The following MTREX variants were observed in gnomAD, a reference collection of about 807,000 sequenced individuals.
The protein encoded by MTREX is Mtr4 exosome RNA helicase.
A neutral mutation model predicts 135.4 loss-of-function variants in MTREX; 76 were observed. The observed-to-expected ratio is 0.56, with a 90% CI of 0.47 to 0.68. The LOEUF is 0.68. Ranked by LOEUF, MTREX falls within the 30% of genes least tolerant of loss-of-function variation. MTREX has a pLI of 0.00. For missense variants in MTREX, 920 were observed against 1,262.1 expected (o/e 0.73, Z 4.11); for synonymous variants, 404 against 401.6 (o/e 1.01, Z -0.07).
chr5:55,415,830 C>CA, intron 24 of MTREX, 140 bp from the exon 25 acceptor site: 1 of 549,418 alleles, frequency 1.8e-6, no homozygotes, highest in Non-Finnish European at 3.1e-6. Context: ...ACTGTGCCTA[C>CA]TTAGGAGCAG....
intron 1 of MTREX, among the ~76,000 whole-genome samples, chr5:55,319,947 A>G (rs963574672): frequency 2.6e-5 from 4 of 152,210 alleles, no homozygotes; most frequent in East Asian, 3.9e-4. Flanking sequence ...ACTCAGAGAT[A>G]GAATAATAGA....
chr5:55,400,814 C>G (rs952148068), intron 21 of MTREX, among the ~76,000 whole-genome samples: 3 of 151,112 alleles, frequency 2.0e-5, no homozygotes, highest in Non-Finnish European at 4.4e-5. Context: ...TTAGCAGCCA[C>G]TCTCTGTTTC....
At chr5:55,315,239 T>A (rs186667414) in intron 1 of MTREX, among the ~76,000 whole-genome samples, 1 of 152,364 alleles carries the variant, frequency 6.6e-6, no homozygotes, top group East Asian at 1.9e-4. Context: ...TAGTTGGTCC[T>A]TCTTAATTTT....
intron 13 of MTREX, among the ~76,000 whole-genome samples, chr5:55,351,975 C>T (rs1164621554): frequency 6.6e-6 from 1 of 151,892 alleles, no homozygotes; most frequent in Non-Finnish European, 1.5e-5. Flanking sequence ...GAGCATACCA[C>T]CATCCCCAAC....
chr5:55,380,029 G>A (rs1051585903), intron 18 of MTREX, among the ~76,000 whole-genome samples: 11 of 152,024 alleles, frequency 7.2e-5, no homozygotes, highest in African/African-American at 2.4e-4. Flanking sequence ...TCCGCCTCCC[G>A]GTTTCATGCC....
chr5:55,344,521 G>T lies in MTREX; in HGVS notation c.907-1G>T. 6.3e-7 allele frequency: 1 copy of T among 1,596,592 alleles called. No individual in the cohort carries two copies. Among genetic ancestry groups the T allele is most frequent in the Non-Finnish European group, 8.6e-7 (1 of 1,165,100 alleles). The stretch of plus-strand genomic sequence containing the variant: ...GTATGTTTAATTCTTTCTTTTTACA[G>T]CCTTGTCATGTTATTTACACAGATT... On this transcript the variant is annotated splice_acceptor_variant, in intron 8 of 26. Transcript: ENST00000230640. LOFTEE classifies it high-confidence loss of function.
At chr5:55,392,541 TA>T (rs34486683) in intron 19 of MTREX, among the ~76,000 whole-genome samples, 93,179 of 114,596 alleles carry the variant, frequency 0.81, 37,582 homozygotes, top group East Asian at 0.96. Flanking sequence ...GGGCTCTGTC[TA>T]AAAAAAAAAA....
intron 26 of MTREX, chr5:55,423,766 C>G (rs897624919): frequency 6.6e-6 from 1 of 152,202 alleles, no homozygotes; most frequent in Non-Finnish European, 1.5e-5. Flanking sequence ...GTCCTGTCTA[C>G]TGACTCTTGA....
intron 19 of MTREX, among the ~76,000 whole-genome samples, chr5:55,392,803 C>T (rs1316308386): frequency 1.3e-5 from 2 of 152,118 alleles, no homozygotes; most frequent in East Asian, 1.9e-4. Flanking sequence ...ATGTCTTACT[C>T]CCCAGCCTTT....
intron 20 of MTREX, among the ~76,000 whole-genome samples, chr5:55,398,914 A>G (rs1198559792): frequency 6.6e-6 from 1 of 152,212 alleles, no homozygotes; most frequent in Non-Finnish European, 1.5e-5. Flanking sequence ...ATCATTCACC[A>G]CATAGTGAGA....
At chr5:55,371,741 T>C (rs1391435965) in intron 16 of MTREX, among the ~76,000 whole-genome samples, 1 of 152,186 alleles carries the variant, frequency 6.6e-6, no homozygotes, top group Non-Finnish European at 1.5e-5. Context: ...TTGAAAGACA[T>C]AAAACCAGTT....
intron 15 of MTREX, among the ~76,000 whole-genome samples, chr5:55,362,679 A>T (rs1235474819): frequency 6.6e-6 from 1 of 152,092 alleles, no homozygotes; most frequent in Non-Finnish European, 1.5e-5. Flanking sequence ...AGTTCTTTTG[A>T]TACATTTTTG....
intron 8 of MTREX, among the ~76,000 whole-genome samples, chr5:55,344,128 CT>C (rs554580246): frequency 6.6e-6 from 1 of 152,088 alleles, no homozygotes; most frequent in Non-Finnish European, 1.5e-5. Flanking sequence ...TCAAGTGCTG[CT>C]TTATACTAAG....
At chr5:55,417,057 A>G (rs1022907257) in intron 25 of MTREX, among the ~76,000 whole-genome samples, 8 of 152,166 alleles carry the variant, frequency 5.3e-5, no homozygotes, top group African/African-American at 1.4e-4. Context: ...CCTTTACTAC[A>G]TTGAACTTTA....
In MTREX at chr5:55,308,056, G is replaced by A. The variant is rs181975111; in HGVS notation, c.43G>A (p.Gly15Ser). Residue 15 changes from glycine to serine, a missense_variant, in exon 1 of 27, where the codon GGC becomes AGC. Coordinates refer to ENST00000230640, the MANE Select transcript of MTREX (RefSeq NM_015360.5). ...AGATGAGCTGTTCAGCGTGTTCGAG[G>A]GCGACTCGACCACTGCGGCGGGAAC... ...FGDELFSVFE[G>S]DSTTAAGTKK... The A allele has an allele frequency of 2.5e-5, 41 of 1,614,098 alleles. No homozygotes were observed. In the East Asian group the frequency reaches 7.6e-4, roughly 30 times the overall value.
intron 21 of MTREX, among the ~76,000 whole-genome samples, chr5:55,401,128 G>A (rs1042161000): frequency 1.4e-4 from 21 of 152,238 alleles, no homozygotes; most frequent in African/African-American, 4.6e-4. Flanking sequence ...TCTGCCTCCC[G>A]GGTTCAAGTG....
chr5:55,345,707 C>T (rs1305239429), intron 10 of MTREX, among the ~76,000 whole-genome samples: 1 of 144,118 alleles, frequency 6.9e-6, no homozygotes, highest in African/African-American at 2.7e-5. Context: ...CGCTCTGTCA[C>T]CCAGGCTGGA....
intron 15 of MTREX, 92 bp downstream of exon 15, chr5:55,358,790 A>G (rs1749962356): frequency 1.9e-6 from 2 of 1,054,086 alleles, no homozygotes; most frequent in Non-Finnish European, 2.7e-6. Flanking sequence ...TCAGACACCT[A>G]AGTGAAATGA....
intron 11 of MTREX, among the ~76,000 whole-genome samples, 198 bp downstream of exon 11, chr5:55,347,342 A>T (rs1290548677): frequency 1.3e-5 from 2 of 152,200 alleles, no homozygotes; most frequent in African/African-American, 4.8e-5. Flanking sequence ...TTATTGAAAG[A>T]TATGAGTACA....
Sources: allele counts gnomAD v4.1 joint callset (sites outside exome capture counted in the v4.1 genomes callset), GRCh38; gene constraint gnomAD v4.1.1; transcripts MANE v1.5; gene names NCBI Gene and HGNC (gene_info 2026-07-23, HGNC 2026-07-21).